The following PISD variants were observed in gnomAD, a reference collection of about 807,000 sequenced individuals.
The protein encoded by PISD is phosphatidylserine decarboxylase.
In PISD, 31 loss-of-function variants were observed where a neutral mutation model predicts 43.5. The observed-to-expected ratio is 0.71, with a 90% CI of 0.54 to 0.96. The LOEUF is 0.96. PISD is among the 40% of genes least tolerant of loss of function. The pLI is 0.00. For synonymous variants in PISD, 259 were observed against 228.7 expected, an observed-to-expected ratio of 1.13 and a Z score of -1.20; for missense variants, 523 against 548.4, an observed-to-expected ratio of 0.95 and a Z score of 0.46.
chr22:31,652,056 A>G (rs2074040907), intron 1 of PISD, among the ~76,000 whole-genome samples: 2 of 152,192 alleles, frequency 1.3e-5, no homozygotes, highest in Admixed American at 1.3e-4. Context: ...AAATGTTTAA[A>G]TTGATATTTT....
At chr22:31,642,794 CAA>C (rs781163913) in intron 3 of PISD, among the ~76,000 whole-genome samples, 25 of 71,706 alleles carry the variant, frequency 3.5e-4, no homozygotes, top group Admixed American at 4.9e-4. Flanking sequence ...GACTCAGTTT[CAA>C]AAAAAAAAAA....
intron 1 of PISD, among the ~76,000 whole-genome samples, chr22:31,660,734 T>C (rs2074292740): frequency 6.6e-6 from 1 of 152,098 alleles, no homozygotes; most frequent in South Asian, 2.1e-4. Context: ...ACACACTTTA[T>C]TTATTTTTAA....
At position 31,648,241 on chromosome 22, in the gene PISD, T is replaced by C; in HGVS notation, c.181A>G (p.Met61Val). The C allele has an allele frequency of 6.2e-7, 1 of 1,611,288 alleles. No individual in the cohort carries two copies. The change falls in exon 3 of 8, where the codon ATG (methionine) becomes GTG (valine). Residue 61 changes from methionine (M) to valine (V), a missense_variant. Coordinates refer to ENST00000439502, the MANE Select transcript of PISD (RefSeq NM_001326411.2). ...ATGGGCAGGGGACGCAGCAGGAACA[T>C]GGTTCGGGCAGGGGCAGTGTGGATT... ...RKIHTAPART[M>V]FLLRPLPILL...
chr22:31,636,897 T>C (rs190486656), intron 3 of PISD, among the ~76,000 whole-genome samples: 1,726 of 151,410 alleles, frequency 0.011, 32 homozygotes, highest in African/African-American at 0.039. Flanking sequence ...AGGCTGGTCT[T>C]GAACTCCTGA....
At chr22:31,629,299 T>C (rs1167804581) in intron 3 of PISD, 1 of 855,812 alleles carries the variant, frequency 1.2e-6, no homozygotes, top group African/African-American at 1.8e-5. Context: ...TGCAAGGGTA[T>C]GTGCATGGAG....
chr22:31,630,705 C>A lies in PISD; in HGVS notation c.322-8820G>T, dbSNP rs910768722. 1.6e-4 allele frequency: 155 copies of A among 984,792 alleles called. No individual in the cohort carries two copies. The highest frequency in any genetic ancestry group is 1.7e-4 in the Non-Finnish European group (138 of 829,436). 61.0% of individuals were successfully genotyped at this position (984,792 alleles called of 1,614,324 possible). On this transcript the variant is annotated intron_variant, in intron 3 of 7. Transcript: ENST00000439502. The surrounding 1 kb of genome is among the most constrained non-coding windows in gnomAD (Gnocchi z 4.4). ...ACCGAAGGCCCTAGAAGGGCACCCC[C>A]ACCCGGCACTGGCCCTCTGAGCGGG...
intron 7 of PISD, among the ~76,000 whole-genome samples, 181 bp downstream of exon 7, chr22:31,620,372 G>A (rs1367801428): frequency 6.6e-6 from 1 of 152,224 alleles, no homozygotes; most frequent in Non-Finnish European, 1.5e-5. Context: ...AGGGAGGGAA[G>A]CCTCAGCTGG....
At chr22:31,624,129 G>A (rs1028992373) in intron 3 of PISD, among the ~76,000 whole-genome samples, 12 of 152,146 alleles carry the variant, frequency 7.9e-5, no homozygotes, top group African/African-American at 2.9e-4. Flanking sequence ...GGGGGCAGCC[G>A]CAAGAGGAGA....
rs765814088 is a variant in PISD, at chr22:31,621,745, G to A, written c.462C>T (p.Ala154=). ...GGTAGTGATGCAGGTCCTCCACAGC[G>A]GCCTCTTTCATGTTCACCCCAAACG... ...IWTFGVNMKE[A]AVEDLHHYRN... is the part of the protein sequence containing the mutation. Residue 154 remains alanine, a synonymous_variant, in exon 4 of 8, where the codon GCC becomes GCT. Coordinates refer to ENST00000439502, the MANE Select transcript of PISD (RefSeq NM_001326411.2). The A allele has an allele frequency of 1.3e-5, 21 of 1,614,032 alleles. No individual in the cohort carries two copies. Among genetic ancestry groups the A allele is most frequent in the Admixed American group, 3.3e-5 (2 of 60,010 alleles).
intron 3 of PISD, among the ~76,000 whole-genome samples, chr22:31,633,215 G>A (rs1218409567): frequency 6.6e-6 from 1 of 152,128 alleles, no homozygotes; most frequent in Non-Finnish European, 1.5e-5. Context: ...AGGTCCCTGG[G>A]GACGGAACAA....
At chr22:31,659,331 C>T (rs2074258676) in intron 1 of PISD, among the ~76,000 whole-genome samples, 2 of 152,128 alleles carry the variant, frequency 1.3e-5, no homozygotes, top group South Asian at 4.1e-4. Flanking sequence ...GAAGACAAGG[C>T]CTATTTCAAA....
intron 3 of PISD, chr22:31,623,719 G>T: frequency 6.2e-7 from 1 of 1,614,126 alleles, no homozygotes; most frequent in Non-Finnish European, 8.5e-7. Context: ...CGGCTGAGCG[G>T]TCTGAGGGCG....
chr22:31,661,766 C>A (rs2074325140), intron 1 of PISD, among the ~76,000 whole-genome samples: 1 of 148,714 alleles, frequency 6.7e-6, no homozygotes, highest in Non-Finnish European at 1.5e-5. Context: ...TTGCCTGACA[C>A]TCAATCTAGT....
intron 3 of PISD, among the ~76,000 whole-genome samples, chr22:31,637,160 AAAAAATATAT>A (rs1220766506): frequency 2.1e-4 from 5 of 23,364 alleles, no homozygotes; most frequent in East Asian, 3.0e-3. Flanking sequence ...AAAAAAAAAA[AAAAAATATAT>A]ATATATATAT....
intron 1 of PISD, 149 bp from the exon 2 acceptor site, chr22:31,650,927 T>C (rs532015808): frequency 3.8e-6 from 2 of 529,510 alleles, no homozygotes; most frequent in South Asian, 5.4e-5. Flanking sequence ...GAAAATGTCC[T>C]TGTAGGGGAA....
intron 3 of PISD, among the ~76,000 whole-genome samples, chr22:31,626,842 CAG>C (rs1740022541): frequency 6.6e-6 from 1 of 152,240 alleles, no homozygotes; most frequent in African/African-American, 2.4e-5. Flanking sequence ...TATGGGCTGA[CAG>C]GGAGCCCACC....
intron 3 of PISD, among the ~76,000 whole-genome samples, chr22:31,635,254 G>A (rs114580454): frequency 0.012 from 1,797 of 152,232 alleles, 37 homozygotes; most frequent in African/African-American, 0.042. Context: ...ATCTTGAGTC[G>A]GCCATCCCTC....
chr22:31,649,560 C>T (rs913176569), intron 2 of PISD, among the ~76,000 whole-genome samples: 2 of 151,854 alleles, frequency 1.3e-5, no homozygotes, highest in African/African-American at 2.4e-5. Context: ...GGTGAAACCC[C>T]GTCTCTACTA....
intron 3 of PISD, among the ~76,000 whole-genome samples, chr22:31,646,552 T>A (rs2073893435): frequency 6.6e-6 from 1 of 152,212 alleles, no homozygotes; most frequent in Admixed American, 6.5e-5. Flanking sequence ...AAATTTATAT[T>A]CTTTTGGGAA....
Sources: gnomAD v4.1 joint callset for allele counts (sites outside exome capture counted in the v4.1 genomes callset) on GRCh38, gnomAD v4.1.1 for gene constraint, Gnocchi (gnomAD v3.1) non-coding constraint, MANE v1.5 for transcripts, NCBI Gene and HGNC (gene_info 2026-07-23, HGNC 2026-07-21) for gene names.